Variants in GARNL3 observed in about 807,000 individuals in gnomAD.
GARNL3 encodes the protein GTPase activating Rap/RanGAP domain like 3, also known as GTPase-activating Rap/Ran-GAP domain-like protein 3.
Under a neutral mutation model 125.0 loss-of-function variants are expected in GARNL3, and 63 were observed. The ratio of observed to expected loss-of-function variants is 0.50; its 90% CI spans 0.41 to 0.62. GARNL3 has a LOEUF of 0.62. GARNL3 is among the 20% of genes least tolerant of loss of function. The pLI is 0.00. For missense variants in GARNL3, 994 were observed against 1,244.0 expected (o/e 0.80, Z 3.02); for synonymous variants, 439 against 457.5 (o/e 0.96, Z 0.52).
chr9:127,354,409 A>C lies in GARNL3; in HGVS notation c.1758A>C (p.Lys586Asn), dbSNP rs138121687. The change falls in exon 19 of 28, where the codon AAA becomes AAC. Residue 586 changes from lysine to asparagine, a missense_variant and splice_region_variant. Lys to Asn is a moderately conservative substitution (Grantham distance 94, BLOSUM62 0). Coordinates refer to ENST00000373387, the MANE Select transcript of GARNL3 (RefSeq NM_032293.5). ...GAGAAAACAAGTTGGAGAAAACAAA[A>C]GGTGACTTGATAGATTGGTAGATTC... ...DCRENKLEKT[K>N]GCHLYAINTH... is the part of the protein sequence containing the mutation. 6.3e-6 allele frequency: 10 copies of C among 1,581,014 alleles called. No individual in the cohort carries two copies. The highest frequency in any genetic ancestry group is 2.7e-5 in the African/African-American group (2 of 74,182).
chr9:127,306,544 G>T (rs889373501), intron 2 of GARNL3, among the ~76,000 whole-genome samples: 1 of 152,152 alleles, frequency 6.6e-6, no homozygotes, highest in Non-Finnish European at 1.5e-5. Context: ...TGGCTAACAC[G>T]GTGAAACCCC....
intron 2 of GARNL3, among the ~76,000 whole-genome samples, chr9:127,251,494 T>G (rs551125197): frequency 4.7e-4 from 72 of 152,316 alleles, no homozygotes; most frequent in Middle Eastern, 3.4e-3. Context: ...AGTTTGACCT[T>G]AAAAGCACAG....
intron 5 of GARNL3, 33 bp from the exon 6 acceptor site, chr9:127,320,682 A>T (rs1365976735): frequency 6.6e-7 from 1 of 1,526,636 alleles, no homozygotes; most frequent in South Asian, 1.1e-5. Context: ...AGCTTCTCTG[A>T]TGCTGCAGCT....
At chr9:127,246,820 C>G (rs1338382743) in intron 2 of GARNL3, among the ~76,000 whole-genome samples, 1 of 151,710 alleles carries the variant, frequency 6.6e-6, no homozygotes, top group Non-Finnish European at 1.5e-5. Flanking sequence ...AAAAAAATTG[C>G]TGTCAGGGCT....
At chr9:127,245,412 T>TAGG (rs971010249) in intron 2 of GARNL3, 3 of 152,244 alleles carry the variant, frequency 2.0e-5, no homozygotes, top group Admixed American at 2.0e-4. Flanking sequence ...CGCTGCCGGA[T>TAGG]AGGACCAGGT....
At chr9:127,308,656 T>C (rs1031887532) in intron 2 of GARNL3, among the ~76,000 whole-genome samples, 1 of 152,190 alleles carries the variant, frequency 6.6e-6, no homozygotes, top group African/African-American at 2.4e-5. Flanking sequence ...AATGATCCTG[T>C]ACTGAAGAGA....
At chr9:127,285,165 A>G (rs1315197656) in intron 1 of GARNL3, among the ~76,000 whole-genome samples, 2 of 152,218 alleles carry the variant, frequency 1.3e-5, no homozygotes, top group African/African-American at 4.8e-5. Context: ...TGGGCCAGAC[A>G]TGGTGGCTCA....
intron 26 of GARNL3, among the ~76,000 whole-genome samples, chr9:127,389,481 A>G (rs1302559294): frequency 2.0e-5 from 3 of 152,254 alleles, no homozygotes; most frequent in Non-Finnish European, 4.4e-5. Context: ...GTCCTCAGAC[A>G]ACATTTTATG....
intron 6 of GARNL3, among the ~76,000 whole-genome samples, chr9:127,321,272 C>T (rs2065391141): frequency 1.3e-5 from 2 of 152,072 alleles, no homozygotes; most frequent in South Asian, 2.1e-4. Flanking sequence ...GCTGGGATTA[C>T]AGGTACCTGC....
At chr9:127,237,743 G>A (rs1225565912) in intron 1 of GARNL3, among the ~76,000 whole-genome samples, 1 of 152,188 alleles carries the variant, frequency 6.6e-6, no homozygotes, top group Non-Finnish European at 1.5e-5. Context: ...GGGTGCTTGA[G>A]GTAGACTTTC....
At chr9:127,251,694 G>T (rs1284307623) in intron 2 of GARNL3, among the ~76,000 whole-genome samples, 1 of 152,102 alleles carries the variant, frequency 6.6e-6, no homozygotes, top group Non-Finnish European at 1.5e-5. Context: ...TTATTTTTAT[G>T]TTTGAGACTA....
At chr9:127,226,030 C>G (rs541670607) in intron 1 of GARNL3, among the ~76,000 whole-genome samples, 1 of 152,356 alleles carries the variant, frequency 6.6e-6, no homozygotes, top group African/African-American at 2.4e-5. Context: ...CTACCATTTT[C>G]TCAGGTCTTG....
At chr9:127,287,109 C>T (rs2064272228) in intron 1 of GARNL3, among the ~76,000 whole-genome samples, 1 of 152,180 alleles carries the variant, frequency 6.6e-6, no homozygotes, top group South Asian at 2.1e-4. Context: ...TGAGCTTTGG[C>T]CCACCTTCAA....
At chr9:127,240,616 A>G (rs1193086691) in intron 1 of GARNL3, among the ~76,000 whole-genome samples, 3 of 152,218 alleles carry the variant, frequency 2.0e-5, no homozygotes, top group Non-Finnish European at 2.9e-5. Context: ...ATTCATTTTA[A>G]TAAGGGGCTA....
In GARNL3 at chr9:127,393,402, T is replaced by A; in HGVS notation, c.*148T>A. The A allele has an allele frequency of 1.7e-6, 1 of 584,578 alleles. No individual in the cohort carries two copies. Among genetic ancestry groups the A allele is most frequent in the Non-Finnish European group, 2.9e-6 (1 of 340,014 alleles). 36.2% of individuals were successfully genotyped at this position (584,578 alleles called of 1,614,324 possible). A position where few individuals can be genotyped will look rare whatever the true frequency, so the allele number is the denominator to read the frequency against. On this transcript the variant is annotated 3_prime_UTR_variant, in exon 28 of 28. Transcript: ENST00000373387. ...CCTTCTGCACACTCGGCCAGTTCCC[T>A]CTCCAATGTCCGGTGCCATCTTTCC...
At chr9:127,293,566 G>A (rs974000635) in intron 2 of GARNL3, among the ~76,000 whole-genome samples, 1 of 151,884 alleles carries the variant, frequency 6.6e-6, no homozygotes, top group Non-Finnish European at 1.5e-5. Flanking sequence ...ACTTTTTATA[G>A]TTTACTGTTC....
In GARNL3 at chr9:127,323,894, C is replaced by T. The variant is rs573034446; in HGVS notation, c.568-1175C>T. ...AATTTTGTAATGACATACACAGTGA[C>T]ATGCAAACATAATGTCCCAATGTAA... On this transcript the variant is annotated intron_variant, in intron 6 of 27. Transcript: ENST00000373387. 3.9e-5 allele frequency among the ~76,000 whole-genome samples: 6 copies of T among 152,294 alleles called. No homozygotes were observed. The South Asian group carries it at 1.2e-3, about 32-fold the overall frequency.
chr9:127,274,891 A>G (rs939589241), intron 1 of GARNL3, among the ~76,000 whole-genome samples: 5 of 152,150 alleles, frequency 3.3e-5, no homozygotes, highest in African/African-American at 1.2e-4. Context: ...AAATGCACAT[A>G]AGTCTCTAAA....
Position 127,357,369 on chromosome 9 carries a change from G to T in GARNL3, c.2086G>T (p.Ala696Ser), listed in dbSNP as rs1317994996. Residue 696 changes from alanine (A) to serine (S), a missense_variant, in exon 21 of 28, where the codon GCC becomes TCC. By Grantham distance (99) the Ala-to-Ser change is moderately conservative. Coordinates refer to ENST00000373387, the MANE Select transcript of GARNL3 (RefSeq NM_032293.5). Reference sequence around the variant, plus strand: ...AGCCTTCAGGCTGCACCACGTGGAGGCCAACAGGGTAAGCCAGCGGTTGTG... The same window carrying T: ...AGCCTTCAGGCTGCACCACGTGGAGTCCAACAGGGTAAGCCAGCGGTTGTG... ...GEAFRLHHVE[A>S]NRVNFVAAID... The T allele has an allele frequency of 3.7e-6, 6 of 1,613,722 alleles. No homozygotes were observed. The East Asian group carries it at 1.3e-4, about 36-fold the overall frequency.
Sources: gnomAD v4.1 joint callset for allele counts (sites outside exome capture counted in the v4.1 genomes callset) on GRCh38, gnomAD v4.1.1 for gene constraint, MANE v1.5 for transcripts, NCBI Gene and HGNC (gene_info 2026-07-23, HGNC 2026-07-21) for gene names.